The following HUWE1 variants were observed in gnomAD, a reference collection of about 807,000 sequenced individuals.
HUWE1 encodes the protein E3 ubiquitin-protein ligase HUWE1.
Under a neutral mutation model 299.4 loss-of-function variants are expected in HUWE1, and 18 were observed. That is an observed-to-expected ratio of 0.06 (90% confidence interval 0.04 to 0.09). The LOEUF is 0.09. Among genes scored for constraint, HUWE1 ranks in the 10% least tolerant of loss-of-function variants. HUWE1 has a pLI of 1.00. For synonymous variants in HUWE1, 1,317 were observed against 1,286.1 expected (o/e 1.02, Z -0.51); for missense variants, 1,832 against 3,462.3 (o/e 0.53, Z 11.82).
rs782419058 is a variant in HUWE1 at position 53,539,808 on chromosome X, G to A, written c.11481C>T (p.Ser3827=). 1.0e-4 allele frequency: 124 copies of A among 1,205,493 alleles called. No individual in the cohort carries two copies. The highest frequency in any genetic ancestry group is 1.3e-4 in the Non-Finnish European group (115 of 892,532). Residue 3827 remains serine, a synonymous_variant, in exon 75 of 84, where the codon TCC becomes TCT. Transcript: ENST00000262854. The part of the protein sequence containing the change: ...PSAQDTQSIA[S]DGTPQGEKEK... ...CCTTCTCCCCCTGTGGGGTTCCATC[G>A]GAGGCTGGAGGGCACACAGAAGAGA... is the stretch of plus-strand genomic sequence containing the variant.
rs377182520 is a variant in HUWE1, at chrX:53,549,157, G to A, written c.9837C>T (p.Ser3279=). The A allele has an allele frequency of 8.2e-7, 1 of 1,212,154 alleles. No individual in the cohort carries two copies. The highest frequency in any genetic ancestry group is 1.1e-6 in the Non-Finnish European group (1 of 895,472). ...CTGAGAGCCAGGAAAGCTGGTTGGA[G>A]CTCTTTGACTCCATCTTGTGTAGCA... ...LDLLHKMESK[S]SNQLSWLSVS... Residue 3279 remains serine (S), a synonymous_variant, in exon 67 of 84, where the codon AGC becomes AGT. Coordinates refer to ENST00000262854, the MANE Select transcript of HUWE1 (RefSeq NM_031407.7).
chrX:53,546,862 G>C, intron 68 of HUWE1, 37 bp from the exon 69 acceptor site: 1 of 1,189,342 alleles, frequency 8.4e-7, no homozygotes, highest in South Asian at 1.8e-5. Flanking sequence ...AAGCCTCTCT[G>C]AAACTCACAA....
chrX:53,669,808 A>G (rs1346832865), intron 3 of HUWE1, among the ~76,000 whole-genome samples: 1 of 112,500 alleles, frequency 8.9e-6, no homozygotes, highest in East Asian at 2.8e-4. Context: ...CCTACTTCAC[A>G]CCATTACTTC....
Position 53,544,669 on chromosome X carries a change from T to G in HUWE1, c.11142A>C (p.Thr3714=). 1 of 1,208,809 alleles carries G rather than the reference T, an allele frequency of 8.3e-7. No individual in the cohort carries two copies. The highest frequency in any genetic ancestry group is 1.1e-6 in the Non-Finnish European group (1 of 893,674). The change falls in exon 72 of 84, where the codon ACA becomes ACC. Residue 3714 remains threonine, a synonymous_variant. Transcript: ENST00000262854. ...ELQLPSMSML[T]SKTSTQKFFL... is the part of the protein sequence containing the mutation. ...AGAACTTCTGGGTAGATGTCTTGGA[T>G]GTCAACATGGACATAGAAGGCAGCT...
Position 53,538,933 on chromosome X carries a change from G to A in HUWE1, c.11780C>T (p.Thr3927Met). 8.3e-7 allele frequency: 1 copy of A among 1,208,480 alleles called. No individual in the cohort carries two copies. The highest frequency in any genetic ancestry group is 1.1e-6 in the Non-Finnish European group (1 of 894,010). ...PLSPAPLTPA[T>M]PSSLDPFFSR... ...GAAGAATGGGTCAAGGGAGGAAGGC[G>A]TGGCTGGGGTTAAGGGGGCAGGGGA... Residue 3927 changes from threonine to methionine, a missense_variant, in exon 76 of 84, where the codon ACG (threonine) becomes ATG (methionine). Around this residue, in one of 15 missense-constraint regions of HUWE1, gnomAD observed 129 missense variants for 439.4 expected, o/e 0.29. Transcript: ENST00000262854.
At chrX:53,651,203 T>G (rs1172540039) in intron 4 of HUWE1, among the ~76,000 whole-genome samples, 1 of 108,349 alleles carries the variant, frequency 9.2e-6, no homozygotes, top group Non-Finnish European at 1.9e-5. Context: ...ACGTAATTCA[T>G]GCATACAACT....
intron 4 of HUWE1, among the ~76,000 whole-genome samples, chrX:53,648,777 T>A (rs956386276): frequency 8.9e-6 from 1 of 111,872 alleles, no homozygotes; most frequent in East Asian, 2.8e-4. Flanking sequence ...AGGTGAAGAT[T>A]AGCACTAGCT....
chrX:53,631,356 T>C (rs1377589788), intron 11 of HUWE1, 58 bp downstream of exon 11: 14 of 907,225 alleles, frequency 1.5e-5, no homozygotes, highest in East Asian at 3.1e-5. Context: ...CCAGTACATA[T>C]CATTAATCTA....
At chrX:53,537,891 C>T (rs1447440321) in intron 77 of HUWE1, among the ~76,000 whole-genome samples, 195 bp from the exon 78 acceptor site, 1 of 111,123 alleles carries the variant, frequency 9.0e-6, no homozygotes, top group Non-Finnish European at 1.9e-5. Flanking sequence ...TTTTTCTTAC[C>T]TCCACTGAGT....
rs782183053 is a variant in HUWE1 at position 53,580,847 on chromosome X, A to T, written c.5700T>A (p.Pro1900=). The T allele has an allele frequency of 5.8e-6, 7 of 1,211,145 alleles. No individual in the cohort carries two copies. Among genetic ancestry groups the T allele is most frequent in the Non-Finnish European group, 6.7e-6 (6 of 895,211 alleles). Residue 1900 remains proline (P), a synonymous_variant, in exon 43 of 84, where the codon CCT becomes CCA. Transcript: ENST00000262854. ...NCCIRIALPA[P]RGSGTASDDE... is the part of the protein sequence containing the mutation. ...GAAACTTACCAGTTCCTGAGCCTCG[A>T]GGGGCAGGAAGGGCGATGCGGATAC... is the stretch of plus-strand genomic sequence containing the variant.
At chrX:53,591,180 A>G in intron 33 of HUWE1, 58 bp from the exon 34 acceptor site, 1 of 1,164,552 alleles carries the variant, frequency 8.6e-7, no homozygotes. Flanking sequence ...TACATTTTTA[A>G]AAGGAAGGAA....
chrX:53,550,837 T>C, intron 65 of HUWE1, 64 bp downstream of exon 65: 3 of 1,194,945 alleles, frequency 2.5e-6, no homozygotes. Context: ...AATACAAAGG[T>C]AAGAAAACAT....
At position 53,536,321 on chromosome X, in the gene HUWE1, C is replaced by A. The variant is rs1197337252; in HGVS notation, c.12425+59G>T. 9 of 1,167,513 alleles carry A rather than the reference C, an allele frequency of 7.7e-6. No homozygotes were observed. In the African/African-American group the frequency reaches 1.4e-4, roughly 18 times the overall value. On this transcript the variant is annotated intron_variant, in intron 79 of 83. Coordinates refer to ENST00000262854, the MANE Select transcript of HUWE1 (RefSeq NM_031407.7). ...GGGAAGAAGGAGCACAAGGATGGGA[C>A]ACAAAAAGACCAGACCCCCAGGACT...
rs1178569698 is a variant in HUWE1, at chrX:53,532,309, T to A, written c.*1000A>T. On this transcript the variant is annotated 3_prime_UTR_variant, in exon 84 of 84. Coordinates refer to ENST00000262854, the MANE Select transcript of HUWE1 (RefSeq NM_031407.7). Reference sequence around the variant, plus strand: ...CAAAAATAATGGTCTTCTGGCGACCTAGTTAAATTACTCGCTTATTAAAAT... The same window carrying A: ...CAAAAATAATGGTCTTCTGGCGACCAAGTTAAATTACTCGCTTATTAAAAT... 9.0e-6 allele frequency: 1 copy of A among 110,837 alleles called. No individual in the cohort carries two copies. Among genetic ancestry groups the A allele is most frequent in the Non-Finnish European group, 1.9e-5 (1 of 52,968 alleles). 9.1% of individuals were successfully genotyped at this position (110,837 alleles called of 1,213,427 possible). A position where few individuals can be genotyped will look rare whatever the true frequency, so the allele number is the denominator to read the frequency against.
At chrX:53,683,528 C>T (rs782088710) in intron 2 of HUWE1, among the ~76,000 whole-genome samples, 1 of 111,121 alleles carries the variant, frequency 9.0e-6, no homozygotes, top group Non-Finnish European at 1.9e-5. Context: ...GAACTCCAGA[C>T]TCCCCTCCCA....
chrX:53,535,741 T>G (rs1236816809), intron 80 of HUWE1, among the ~76,000 whole-genome samples: 3 of 110,665 alleles, frequency 2.7e-5, no homozygotes, highest in African/African-American at 9.9e-5. Flanking sequence ...CAGAAGAGAG[T>G]AAGGCAACTA....
At chrX:53,556,577 C>A (rs1252062395) in intron 60 of HUWE1, among the ~76,000 whole-genome samples, 2 of 111,505 alleles carry the variant, frequency 1.8e-5, no homozygotes, top group Non-Finnish European at 3.8e-5. Context: ...CATGAACCAA[C>A]TGATAGAATC....
intron 74 of HUWE1, among the ~76,000 whole-genome samples, chrX:53,542,076 G>A (rs1276680563): frequency 3.6e-5 from 4 of 111,239 alleles, no homozygotes; most frequent in Non-Finnish European, 7.5e-5. Flanking sequence ...CCAGCTACTT[G>A]GGAGGCTGAG....
Position 53,552,423 on chromosome X carries a change from A to G in HUWE1, c.8769T>C (p.Ser2923=), listed in dbSNP as rs1556929973. 2.5e-6 allele frequency: 3 copies of G among 1,211,225 alleles called. No homozygotes were observed. The highest frequency in any genetic ancestry group is 3.4e-6 in the Non-Finnish European group (3 of 895,150). The change falls in exon 63 of 84, where the codon TCT becomes TCC. Residue 2923 remains serine, a synonymous_variant. Coordinates refer to ENST00000262854, the MANE Select transcript of HUWE1 (RefSeq NM_031407.7). The part of the protein sequence containing the change: ...PPEDSSPPAS[S]ESSSTRDSAV... ...CAGAATCTCTGGTGGAAGAGCTCTC[A>G]GAGGATGCAGGTGGGGAGCTGAGGG...
Sources: allele counts gnomAD v4.1 joint callset (sites outside exome capture counted in the v4.1 genomes callset), GRCh38; gene constraint gnomAD v4.1.1; regional missense constraint gnomAD v4.1.1; transcripts MANE v1.5; gene names NCBI Gene and HGNC (gene_info 2026-07-23, HGNC 2026-07-21).